CHRM2: variants seen among roughly 807,000 people sequenced by gnomAD.
CHRM2 encodes the protein cholinergic receptor muscarinic 2, also known as muscarinic acetylcholine receptor M2.
In CHRM2, 8 loss-of-function variants were observed where a neutral mutation model predicts 25.0. The ratio of observed to expected loss-of-function variants is 0.32; its 90% CI spans 0.19 to 0.58. The LOEUF is 0.58. Among genes scored for constraint, CHRM2 ranks in the 20% least tolerant of loss-of-function variants. CHRM2 has a pLI of 0.88. For missense variants in CHRM2, 440 were observed against 567.1 expected, an observed-to-expected ratio of 0.78 and a Z score of 2.28; for synonymous variants, 202 against 205.7, an observed-to-expected ratio of 0.98 and a Z score of 0.15.
At chr7:137,000,425 C>A (rs527609972) in intron 3 of CHRM2, among the ~76,000 whole-genome samples, 13 of 151,050 alleles carry the variant, frequency 8.6e-5, no homozygotes, top group African/African-American at 3.2e-4. Context: ...GTCTCATACT[C>A]CTGACCTCAG....
intron 2 of CHRM2, among the ~76,000 whole-genome samples, chr7:136,931,957 TA>T (rs1799131171): frequency 6.6e-6 from 1 of 152,220 alleles, no homozygotes; most frequent in Non-Finnish European, 1.5e-5. Flanking sequence ...TCGTGGGTTT[TA>T]ATTAAGGTTG....
At chr7:136,917,754 C>T (rs1438079676) in intron 2 of CHRM2, among the ~76,000 whole-genome samples, 1 of 152,044 alleles carries the variant, frequency 6.6e-6, no homozygotes, top group Non-Finnish European at 1.5e-5. Context: ...ATTTCCATCA[C>T]ATCCTCCCAT....
At chr7:136,908,285 G>A (rs1037234588) in intron 2 of CHRM2, among the ~76,000 whole-genome samples, 3 of 151,786 alleles carry the variant, frequency 2.0e-5, no homozygotes, top group Admixed American at 6.6e-5. Context: ...ATTTGCTCAA[G>A]GTTAAACATC....
intron 2 of CHRM2, among the ~76,000 whole-genome samples, chr7:136,953,504 G>A (rs1800537993): frequency 6.6e-6 from 1 of 152,030 alleles, no homozygotes; most frequent in South Asian, 2.1e-4. Context: ...GAAACCCATA[G>A]TTAGTAAAAT....
At chr7:136,874,980 A>G (rs943856456) in intron 2 of CHRM2, among the ~76,000 whole-genome samples, 3 of 151,404 alleles carry the variant, frequency 2.0e-5, no homozygotes, top group African/African-American at 7.3e-5. Context: ...AGACTTCTAA[A>G]TGGAAGTCTT....
Position 137,009,215 on chromosome 7 carries a change from C to A in CHRM2, c.-46-5605C>A, listed in dbSNP as rs561498794. On this transcript the variant is annotated intron_variant, in intron 3 of 3. Transcript: ENST00000680005. Reference sequence around the variant, plus strand: ...AATTCCATTTGTTTTTTATATAATTCTCCGCTTTTATCTAAATGTATATCA... The same window carrying A: ...AATTCCATTTGTTTTTTATATAATTATCCGCTTTTATCTAAATGTATATCA... Among the ~76,000 whole-genome samples, 11 of 152,086 alleles carry A rather than the reference C, an allele frequency of 7.2e-5. 1 individual carries two copies. The South Asian group carries it at 2.1e-3, about 29-fold the overall frequency.
intron 2 of CHRM2, among the ~76,000 whole-genome samples, chr7:136,959,327 T>C (rs759318817): frequency 2.0e-5 from 3 of 152,344 alleles, no homozygotes; most frequent in Non-Finnish European, 2.9e-5. Flanking sequence ...CTGACCAAGA[T>C]AAGCAAAGTG....
chr7:136,941,827 G>A (rs911794036), intron 2 of CHRM2, among the ~76,000 whole-genome samples: 3 of 152,162 alleles, frequency 2.0e-5, no homozygotes, highest in Admixed American at 1.3e-4. Flanking sequence ...TAATTGCCAG[G>A]ATATCTTCAT....
intron 3 of CHRM2, among the ~76,000 whole-genome samples, chr7:137,006,313 G>T (rs570940539): frequency 6.6e-6 from 1 of 152,242 alleles, no homozygotes; most frequent in East Asian, 1.9e-4. Context: ...AGGTGCCATG[G>T]ATGTAGTGAC....
chr7:136,917,221 G>A (rs1584752091), intron 2 of CHRM2, among the ~76,000 whole-genome samples: 4 of 148,582 alleles, frequency 2.7e-5, no homozygotes, highest in Admixed American at 6.8e-5. Context: ...ATACCTGCTC[G>A]CCGTCCTCTT....
intron 3 of CHRM2, among the ~76,000 whole-genome samples, chr7:136,997,075 A>G (rs1803654564): frequency 6.6e-6 from 1 of 152,214 alleles, no homozygotes; most frequent in African/African-American, 2.4e-5. Context: ...TACCAGCTGT[A>G]CAGTGTGCAT....
intron 2 of CHRM2, among the ~76,000 whole-genome samples, chr7:136,881,280 G>A (rs1002766861): frequency 6.6e-6 from 1 of 151,342 alleles, no homozygotes; most frequent in Admixed American, 6.6e-5. Flanking sequence ...TTCACCTGGT[G>A]TGTAAATTCA....
intron 2 of CHRM2, among the ~76,000 whole-genome samples, chr7:136,927,068 G>C (rs1157113245): frequency 6.6e-6 from 1 of 151,968 alleles, no homozygotes; most frequent in Non-Finnish European, 1.5e-5. Context: ...GATGGCCTGG[G>C]TTTACATTTT....
chr7:136,902,045 G>C (rs1797241245), intron 2 of CHRM2: 1 of 151,976 alleles, frequency 6.6e-6, no homozygotes, highest in African/African-American at 2.4e-5. Context: ...TATTAGATAA[G>C]TGAAGGGTTG....
At chr7:136,955,666 G>T (rs866852901) in intron 2 of CHRM2, among the ~76,000 whole-genome samples, 1 of 152,260 alleles carries the variant, frequency 6.6e-6, no homozygotes, top group South Asian at 2.1e-4. Context: ...ATACTAGGAC[G>T]TATGGTCATT....
intron 2 of CHRM2, among the ~76,000 whole-genome samples, chr7:136,965,342 T>C (rs1043183990): frequency 1.3e-5 from 2 of 152,094 alleles, no homozygotes; most frequent in African/African-American, 4.8e-5. Context: ...TTACTGTGAC[T>C]TCCATACTTC....
chr7:136,998,502 A>G (rs1803759042), intron 3 of CHRM2, among the ~76,000 whole-genome samples: 1 of 152,218 alleles, frequency 6.6e-6, no homozygotes, highest in Non-Finnish European at 1.5e-5. Context: ...GGATCCTAAG[A>G]GAATTCAAGT....
At chr7:136,971,071 A>G (rs1801735937) in intron 2 of CHRM2, among the ~76,000 whole-genome samples, 1 of 152,230 alleles carries the variant, frequency 6.6e-6, no homozygotes, top group Admixed American at 6.5e-5. Flanking sequence ...TTGAACATTG[A>G]ATGAAATATT....
At chr7:136,927,409 G>GGT (rs139539907) in intron 2 of CHRM2, among the ~76,000 whole-genome samples, 1 of 151,514 alleles carries the variant, frequency 6.6e-6, no homozygotes, top group African/African-American at 2.4e-5. Context: ...TGGTGGTGTG[G>GGT]GTGTGTGTGT....
Sources: allele counts gnomAD v4.1 joint callset (sites outside exome capture counted in the v4.1 genomes callset), GRCh38; gene constraint gnomAD v4.1.1; transcripts MANE v1.5; gene names NCBI Gene and HGNC (gene_info 2026-07-23, HGNC 2026-07-21).